The following GRIK3 variants were observed in gnomAD, a reference collection of about 807,000 sequenced individuals.
GRIK3 encodes glutamate ionotropic receptor kainate type subunit 3, also known as glutamate receptor ionotropic, kainate 3.
Under a neutral mutation model 102.5 loss-of-function variants are expected in GRIK3, and 29 were observed. That is an observed-to-expected ratio of 0.28 (90% CI 0.21 to 0.39). The LOEUF (loss-of-function observed/expected upper bound fraction) is 0.39. GRIK3 is among the 10% of genes least tolerant of loss of function. GRIK3 has a pLI of 1.00. For missense variants in GRIK3, 908 were observed against 1,252.4 expected (o/e 0.73, Z 4.15); for synonymous variants, 511 against 504.9 (o/e 1.01, Z -0.16).
At chr1:36,959,542 C>A (rs1570826075) in intron 1 of GRIK3, among the ~76,000 whole-genome samples, 1 of 106,670 alleles carries the variant, frequency 9.4e-6, no homozygotes, top group Admixed American at 9.2e-5. Flanking sequence ...GCCCTGTAAG[C>A]CTGGGTGTCC....
At chr1:36,824,151 C>T (rs1004353882) in intron 11 of GRIK3, among the ~76,000 whole-genome samples, 2 of 152,284 alleles carry the variant, frequency 1.3e-5, no homozygotes, top group Middle Eastern at 3.4e-3. Flanking sequence ...GAGGCTCCCA[C>T]CTTCCGAGCC....
chr1:37,005,474 T>G (rs1159876231), intron 1 of GRIK3, among the ~76,000 whole-genome samples: 2 of 152,072 alleles, frequency 1.3e-5, no homozygotes, highest in African/African-American at 2.4e-5. Flanking sequence ...GCAGACACAA[T>G]CCCCAGAAAG....
intron 1 of GRIK3, among the ~76,000 whole-genome samples, chr1:37,000,550 C>T (rs1642466935): frequency 1.3e-5 from 2 of 152,156 alleles, no homozygotes; most frequent in African/African-American, 4.8e-5. Context: ...AGCCACTTGC[C>T]AGGCACCAGG....
rs1452050660 is a variant in GRIK3 at position 36,880,429 on chromosome 1, G to A, written c.550+205C>T. Among the ~76,000 whole-genome samples the A allele has an allele frequency of 6.6e-6, 1 of 152,176 alleles. No individual in the cohort carries two copies. Among genetic ancestry groups the A allele is most frequent in the Admixed American group, 6.5e-5 (1 of 15,276 alleles). ...GTGAGGCAGGGGTGAGGTGCGCTGG[G>A]GCTGAGTGAGATATGAGTGCCGCTG... On this transcript the variant is annotated intron_variant, in intron 3 of 15. Transcript: ENST00000373091. This position sits in a 1 kb window ranked among gnomAD's most constrained non-coding sequence, Gnocchi z 5.4.
intron 1 of GRIK3, among the ~76,000 whole-genome samples, chr1:36,965,751 G>A (rs1642071400): frequency 6.6e-6 from 1 of 152,190 alleles, no homozygotes; most frequent in Non-Finnish European, 1.5e-5. Context: ...GTTCTCTGTG[G>A]AACCTCAATT....
intron 1 of GRIK3, among the ~76,000 whole-genome samples, chr1:36,999,232 T>C (rs1642450929): frequency 6.6e-6 from 1 of 151,086 alleles, no homozygotes; most frequent in South Asian, 2.1e-4. Flanking sequence ...GAGCACAGAG[T>C]TGGGGGTCTG....
At position 36,802,079 on chromosome 1, in the gene GRIK3, G is replaced by C. The variant is rs1050917643; in HGVS notation, c.2566-34C>G. On this transcript the variant is annotated intron_variant, in intron 15 of 15. Coordinates refer to ENST00000373091, the MANE Select transcript of GRIK3 (RefSeq NM_000831.4). Reference sequence around the variant, plus strand: ...GGGTGGAGGAGAGGGGTCGGAAAAGGGGCACAGAGTGATGCCCGGTCTTGC... The same window carrying C: ...GGGTGGAGGAGAGGGGTCGGAAAAGCGGCACAGAGTGATGCCCGGTCTTGC... The C allele has an allele frequency of 2.0e-6, 3 of 1,517,368 alleles. No individual in the cohort carries two copies. The African/African-American group carries it at 4.1e-5, about 21-fold the overall frequency. 94.0% of individuals were successfully genotyped at this position (1,517,368 alleles called of 1,614,324 possible). A position where few individuals can be genotyped will look rare whatever the true frequency, so the allele number is the denominator to read the frequency against.
chr1:36,847,543 A>G (rs777227268), intron 9 of GRIK3, among the ~76,000 whole-genome samples: 5 of 152,230 alleles, frequency 3.3e-5, no homozygotes, highest in Non-Finnish European at 7.3e-5. Context: ...CTCACTCAGC[A>G]TGCTGTATTC....
chr1:36,862,223 T>C (rs1640734916), intron 5 of GRIK3, among the ~76,000 whole-genome samples: 1 of 152,220 alleles, frequency 6.6e-6, no homozygotes, highest in Non-Finnish European at 1.5e-5. Context: ...ATTACATGGC[T>C]AGCTTGGTAT....
At chr1:36,855,601 A>G (rs1267426432) in intron 7 of GRIK3, among the ~76,000 whole-genome samples, 1 of 152,246 alleles carries the variant, frequency 6.6e-6, no homozygotes, top group Non-Finnish European at 1.5e-5. Context: ...CTTCAGGAAG[A>G]GAGAAATTAC....
intron 5 of GRIK3, among the ~76,000 whole-genome samples, chr1:36,864,110 G>A (rs896557733): frequency 6.6e-6 from 1 of 152,140 alleles, no homozygotes; most frequent in African/African-American, 2.4e-5. Context: ...TATTATAATA[G>A]TTCTTTTTTC....
At chr1:36,899,724 A>C (rs773069397) in intron 1 of GRIK3, among the ~76,000 whole-genome samples, 13 of 152,202 alleles carry the variant, frequency 8.5e-5, no homozygotes, top group Non-Finnish European at 1.5e-4. Flanking sequence ...AAGTAAATGA[A>C]TGAAGACATG....
chr1:37,007,665 G>A (rs1437845321), intron 1 of GRIK3, among the ~76,000 whole-genome samples: 1 of 152,204 alleles, frequency 6.6e-6, no homozygotes, highest in African/African-American at 2.4e-5. Context: ...CTTGGGCTAG[G>A]CACTTTTGAG....
chr1:36,825,990 C>T (rs950828009), intron 10 of GRIK3, among the ~76,000 whole-genome samples, 164 bp from the exon 11 acceptor site: 10 of 152,306 alleles, frequency 6.6e-5, no homozygotes, highest in African/African-American at 2.4e-4. Context: ...CCTTCAGGGC[C>T]AGCTCAGGGT....
chr1:36,929,091 T>C (rs983493575), intron 1 of GRIK3, among the ~76,000 whole-genome samples: 1 of 152,112 alleles, frequency 6.6e-6, no homozygotes, highest in Non-Finnish European at 1.5e-5. Context: ...AACTGAGTCA[T>C]AGAGGGGTGA....
intron 11 of GRIK3, among the ~76,000 whole-genome samples, chr1:36,822,149 C>T (rs374666113): frequency 2.7e-4 from 41 of 152,320 alleles, no homozygotes; most frequent in African/African-American, 9.4e-4. Flanking sequence ...GGACACAACT[C>T]TGTCGGCCCT....
intron 1 of GRIK3, among the ~76,000 whole-genome samples, chr1:36,950,803 C>T (rs964486137): frequency 2.6e-5 from 4 of 152,210 alleles, no homozygotes; most frequent in Non-Finnish European, 5.9e-5. Flanking sequence ...ATGATTTGCG[C>T]GGGAGCTGAT....
chr1:36,805,442 C>T (rs1557686838), intron 14 of GRIK3, among the ~76,000 whole-genome samples: 1 of 152,208 alleles, frequency 6.6e-6, no homozygotes, highest in Non-Finnish European at 1.5e-5. Context: ...AGGTTGTGCC[C>T]ATTGTGTATC....
chr1:36,837,651 T>G (rs1016405324), intron 10 of GRIK3, among the ~76,000 whole-genome samples: 1 of 152,062 alleles, frequency 6.6e-6, no homozygotes, highest in African/African-American at 2.4e-5. Context: ...CCCTCGGGAT[T>G]AAAGTCCAGT....
Sources: allele counts gnomAD v4.1 joint callset (sites outside exome capture counted in the v4.1 genomes callset), GRCh38; gene constraint gnomAD v4.1.1; non-coding constraint Gnocchi (gnomAD v3.1); transcripts MANE v1.5; gene names NCBI Gene and HGNC (gene_info 2026-07-23, HGNC 2026-07-21).